The following GALNT8 variants were observed in gnomAD, a reference collection of about 807,000 sequenced individuals.
GALNT8 encodes probable polypeptide N-acetylgalactosaminyltransferase 8.
Under a neutral mutation model 62.7 loss-of-function variants are expected in GALNT8, and 66 were observed. The ratio of observed to expected loss-of-function variants is 1.05; its 90% CI spans 0.86 to 1.29. GALNT8 has a LOEUF of 1.29. Ranked by LOEUF, GALNT8 falls within the 50% of genes most tolerant of loss-of-function variation. The probability of loss-of-function intolerance (pLI) is 0.00; values close to 1 mark genes in which losing one functional copy is unlikely to be tolerated. For synonymous variants in GALNT8, 288 were observed against 294.3 expected (o/e 0.98, Z 0.22); for missense variants, 771 against 791.8 (o/e 0.97, Z 0.32).
At chr12:4,765,866 C>G (rs1454053356) in intron 10 of GALNT8, among the ~76,000 whole-genome samples, 1 of 152,166 alleles carries the variant, frequency 6.6e-6, no homozygotes, top group East Asian at 1.9e-4. Flanking sequence ...CCTCTGCCTC[C>G]CAGGTCCTGG....
chr12:4,734,592 A>C (rs1946236105), intron 2 of GALNT8, among the ~76,000 whole-genome samples: 1 of 151,836 alleles, frequency 6.6e-6, no homozygotes, highest in Non-Finnish European at 1.5e-5. Flanking sequence ...TGAGGTCTTC[A>C]CACCCTCCCA....
At chr12:4,745,132 A>C (rs1399671940) in intron 4 of GALNT8, among the ~76,000 whole-genome samples, 1 of 152,224 alleles carries the variant, frequency 6.6e-6, no homozygotes, top group African/African-American at 2.4e-5. Context: ...CCAAGAGATA[A>C]CGTAAATTCA....
At position 4,726,936 on chromosome 12, in the gene GALNT8, G is replaced by A; in HGVS notation, c.509+107G>A. 1 of 946,622 alleles carries A rather than the reference G, an allele frequency of 1.1e-6. No homozygotes were observed. Among genetic ancestry groups the A allele is most frequent in the Admixed American group, 2.3e-5 (1 of 43,280 alleles). The allele number at this position is 946,622 out of a possible 1,614,324, so 58.6% of individuals were successfully genotyped here. A position where few individuals can be genotyped will look rare whatever the true frequency, so the allele number is the denominator to read the frequency against. Reference sequence around the variant, plus strand: ...GGGGGAGTGGGGGATTGTTGGGGAAGGGGTTCAGGCTGAGCAAAGTTGTTG... The same window carrying A: ...GGGGGAGTGGGGGATTGTTGGGGAAAGGGTTCAGGCTGAGCAAAGTTGTTG... On this transcript the variant is annotated intron_variant, in intron 2 of 10. Coordinates refer to ENST00000252318, the MANE Select transcript of GALNT8 (RefSeq NM_017417.2). The surrounding 1 kb of genome is among the most constrained non-coding windows in gnomAD (Gnocchi z 4.1).
intron 7 of GALNT8, among the ~76,000 whole-genome samples, chr12:4,761,745 G>A (rs1054659435): frequency 1.3e-5 from 2 of 152,124 alleles, no homozygotes; most frequent in African/African-American, 4.8e-5. Flanking sequence ...TCTGAGCTAA[G>A]CCCACATCTT....
chr12:4,742,327 A>G (rs1315510655), intron 3 of GALNT8, among the ~76,000 whole-genome samples: 1 of 152,228 alleles, frequency 6.6e-6, no homozygotes, highest in Non-Finnish European at 1.5e-5. Flanking sequence ...TAAATGTTAA[A>G]TGTCACTCAA....
At chr12:4,760,177 C>T (rs1327848096) in intron 6 of GALNT8, among the ~76,000 whole-genome samples, 1 of 152,190 alleles carries the variant, frequency 6.6e-6, no homozygotes, top group Non-Finnish European at 1.5e-5. Flanking sequence ...GGGTTCTCAT[C>T]TGGGCTCCAC....
chr12:4,726,230 A>G lies in GALNT8; in HGVS notation c.212-302A>G, dbSNP rs564361561. 1.3e-5 allele frequency among the ~76,000 whole-genome samples: 2 copies of G among 152,128 alleles called. No individual in the cohort carries two copies. The highest frequency in any genetic ancestry group is 1.9e-4 in the East Asian group (1 of 5,180). ...GTTCTCAGGCCTCATTCTGAAAAAC[A>G]TTAGCTTATTTTCCATCTGTTTCTC... On this transcript the variant is annotated intron_variant, in intron 1 of 10. Transcript: ENST00000252318. The surrounding 1 kb of genome is among the most constrained non-coding windows in gnomAD (Gnocchi z 4.1).
At chr12:4,764,932 A>G (rs1398257862) in intron 9 of GALNT8, among the ~76,000 whole-genome samples, 2 of 150,854 alleles carry the variant, frequency 1.3e-5, no homozygotes, top group Non-Finnish European at 2.9e-5. Context: ...CAACCTTTTG[A>G]GGCATGCACA....
intron 1 of GALNT8, among the ~76,000 whole-genome samples, chr12:4,725,761 G>A (rs1471224844): frequency 2.0e-5 from 3 of 151,930 alleles, no homozygotes; most frequent in Admixed American, 6.5e-5. Context: ...TCACCATGTT[G>A]GCCAGGCTGG....
intron 7 of GALNT8, among the ~76,000 whole-genome samples, chr12:4,762,473 G>C (rs1209886125): frequency 2.6e-5 from 4 of 152,110 alleles, no homozygotes; most frequent in African/African-American, 9.7e-5. Flanking sequence ...CCAAATCTTG[G>C]TATTAGAGTA....
intron 7 of GALNT8, among the ~76,000 whole-genome samples, chr12:4,761,634 G>A (rs1427466391): frequency 6.6e-6 from 1 of 151,668 alleles, no homozygotes; most frequent in East Asian, 1.9e-4. Flanking sequence ...TTTTGGTACA[G>A]ATAGGGTCTT....
At chr12:4,734,506 A>G (rs1219956230) in intron 2 of GALNT8, among the ~76,000 whole-genome samples, 1 of 152,116 alleles carries the variant, frequency 6.6e-6, no homozygotes, top group Non-Finnish European at 1.5e-5. Flanking sequence ...CCACATTTGA[A>G]TAATGAATGA....
At chr12:4,770,908 A>G (rs1306682927) in intron 10 of GALNT8, among the ~76,000 whole-genome samples, 1 of 152,216 alleles carries the variant, frequency 6.6e-6, no homozygotes, top group Non-Finnish European at 1.5e-5. Context: ...ATCTGCAAAG[A>G]GGGAGAAATA....
Position 4,726,866 on chromosome 12 carries a change from G to A in GALNT8, c.509+37G>A, listed in dbSNP as rs1031917825. The A allele has an allele frequency of 6.5e-7, 1 of 1,545,262 alleles. No homozygotes were observed. ...CAGGCTTGGGCTTCTAGGGTCCTCA[G>A]TTTGATTTGAGGATGAGCTTTGGGA... is the stretch of plus-strand genomic sequence containing the variant. On this transcript the variant is annotated intron_variant, in intron 2 of 10. Coordinates refer to ENST00000252318, the MANE Select transcript of GALNT8 (RefSeq NM_017417.2). This position sits in a 1 kb window ranked among gnomAD's most constrained non-coding sequence, Gnocchi z 4.1.
intron 10 of GALNT8, among the ~76,000 whole-genome samples, chr12:4,770,475 TCTAAAA>T (rs1946419171): frequency 6.6e-6 from 1 of 152,138 alleles, no homozygotes; most frequent in Non-Finnish European, 1.5e-5. Flanking sequence ...ACTGACTTTG[TCTAAAA>T]GGTCACAATA....
At chr12:4,739,939 T>C (rs1045674437) in intron 3 of GALNT8, among the ~76,000 whole-genome samples, 5 of 152,162 alleles carry the variant, frequency 3.3e-5, no homozygotes, top group Non-Finnish European at 7.3e-5. Flanking sequence ...AGTGCTGAGA[T>C]TACAGGCGTG....
rs747460695 is a variant in GALNT8, at chr12:4,725,553, CT to C, written c.212-959del. On this transcript the variant is annotated intron_variant, in intron 1 of 10. Transcript: ENST00000252318. ...TTTTTAACAAGCTTTTGAAGACATTCTTTTTTTTTTTTTTTTTTTTGAGACG... is the reference window on the plus strand; with the variant it reads ...TTTTTAACAAGCTTTTGAAGACATTCTTTTTTTTTTTTTTTTTTTGAGACG... Among the ~76,000 whole-genome samples the C allele has an allele frequency of 7.4e-3, 880 of 119,646 alleles. 3 individuals are homozygous for C. Among genetic ancestry groups the C allele is most frequent in the African/African-American group, 0.024 (736 of 31,212 alleles). 78.5% of individuals were successfully genotyped at this position (119,646 alleles called of 152,430 possible).
In GALNT8 at chr12:4,739,858, G is replaced by A. The variant is rs192066082; in HGVS notation, c.676+529G>A. 4.1e-4 allele frequency among the ~76,000 whole-genome samples: 63 copies of A among 151,894 alleles called. 1 individual carries two copies. Among genetic ancestry groups the A allele is most frequent in the Admixed American group, 3.8e-3 (58 of 15,252 alleles). On this transcript the variant is annotated intron_variant, in intron 3 of 10. Transcript: ENST00000252318. ...TTTTTTGTATTTTTTTAGTAGAGAC[G>A]AGATTTCACCATGTTAGCCATGATG...
chr12:4,741,743 G>T lies in GALNT8; in HGVS notation c.676+2414G>T, dbSNP rs2137529416. On this transcript the variant is annotated intron_variant, in intron 3 of 10. Coordinates refer to ENST00000252318, the MANE Select transcript of GALNT8 (RefSeq NM_017417.2). Reference sequence around the variant, plus strand: ...AAAGAAAAACCAAAGCTTTCTTATTGCTCTAAGCTGCACTCCATTGTAACA... The same window carrying T: ...AAAGAAAAACCAAAGCTTTCTTATTTCTCTAAGCTGCACTCCATTGTAACA... Among the ~76,000 whole-genome samples the T allele has an allele frequency of 1.3e-5, 2 of 152,224 alleles. 1 individual carries two copies. The highest frequency in any genetic ancestry group is 4.1e-4 in the South Asian group (2 of 4,824).
Sources: gnomAD v4.1 joint callset for allele counts (sites outside exome capture counted in the v4.1 genomes callset) on GRCh38, gnomAD v4.1.1 for gene constraint, Gnocchi (gnomAD v3.1) non-coding constraint, MANE v1.5 for transcripts, NCBI Gene and HGNC (gene_info 2026-07-23, HGNC 2026-07-21) for gene names.